The following FIRRM variants were observed in gnomAD, a reference collection of about 807,000 sequenced individuals.
The protein encoded by FIRRM is FIGNL1-interacting regulator of recombination and mitosis.
the FIRRM span, chr1:169,842,483 C>G: frequency 3.1e-6 from 5 of 1,613,840 alleles, no homozygotes; most frequent in Non-Finnish European, 4.2e-6. Context: ...TACAGGAAAA[C>G]AAACTGCAAT....
the FIRRM span, among the ~76,000 whole-genome samples, chr1:169,799,710 C>T: frequency 6.6e-5 from 10 of 152,240 alleles, no homozygotes; most frequent in African/African-American, 2.4e-4. Flanking sequence ...CTTCACCACG[C>T]CTGGCTAATT....
At chr1:169,811,813 C>CAGATTATCTAAATAGATAAT in the FIRRM span, among the ~76,000 whole-genome samples, 2 of 139,036 alleles carry the variant, frequency 1.4e-5, no homozygotes, top group African/African-American at 5.6e-5. Context: ...AGATAATAGA[C>CAGATTATCTAAATAGATAAT]AGATTATCTA....
At chr1:169,793,425 G>C in the FIRRM span, 1 of 1,614,134 alleles carries the variant, frequency 6.2e-7, no homozygotes, top group Non-Finnish European at 8.5e-7. Context: ...TGTTTTCCAT[G>C]TGGCTCCAAG....
the FIRRM span, among the ~76,000 whole-genome samples, chr1:169,834,512 A>G: frequency 6.6e-6 from 1 of 152,144 alleles, no homozygotes; most frequent in Non-Finnish European, 1.5e-5. Context: ...TTTCTCTTAA[A>G]TGAAGGAGGA....
the FIRRM span, among the ~76,000 whole-genome samples, chr1:169,805,446 C>T: frequency 6.6e-6 from 1 of 152,180 alleles, no homozygotes; most frequent in Non-Finnish European, 1.5e-5. Context: ...TCGCTGTGTG[C>T]TAGCACTTTT....
the FIRRM span, among the ~76,000 whole-genome samples, chr1:169,792,326 G>A: frequency 6.6e-6 from 1 of 152,164 alleles, no homozygotes; most frequent in African/African-American, 2.4e-5. Context: ...AGGTCAAATA[G>A]AATGAAGATG....
chr1:169,792,723 C>A, the FIRRM span: 1 of 1,613,864 alleles, frequency 6.2e-7, no homozygotes, highest in Non-Finnish European at 8.5e-7. Context: ...AAATAATGTG[C>A]TTTGCTGGCC....
the FIRRM span, chr1:169,795,037 G>A: frequency 7.8e-7 from 1 of 1,280,352 alleles, no homozygotes; most frequent in Non-Finnish European, 1.1e-6. Context: ...AAGGGTTGGC[G>A]GGACTGCGAG....
chr1:169,844,663 TAA>T, the FIRRM span, among the ~76,000 whole-genome samples: 3 of 152,222 alleles, frequency 2.0e-5, no homozygotes, highest in Non-Finnish European at 2.9e-5. Context: ...TACTAAGTTA[TAA>T]AGAGTCAGAA....
At chr1:169,817,347 A>G in the FIRRM span, among the ~76,000 whole-genome samples, 3 of 152,192 alleles carry the variant, frequency 2.0e-5, no homozygotes, top group South Asian at 2.1e-4. Flanking sequence ...CAAGACAACA[A>G]TTGTCTGTGG....
chr1:169,852,695 G>A, the FIRRM span: 9 of 1,282,518 alleles, frequency 7.0e-6, no homozygotes, highest in Non-Finnish European at 8.8e-6. Context: ...CCAATGACTA[G>A]AATAAAATTT....
chr1:169,810,834 ATTTTTTTTTTTTTTTTTTT>A, the FIRRM span, among the ~76,000 whole-genome samples: 13 of 61,208 alleles, frequency 2.1e-4, no homozygotes, highest in Non-Finnish European at 2.9e-4. Context: ...TTAGCCCCCA[ATTTTTTTTTTTTTTTTTTT>A]TTTTTTTTTT....
the FIRRM span, chr1:169,792,931 T>C: frequency 1.2e-6 from 2 of 1,614,150 alleles, no homozygotes; most frequent in Admixed American, 3.3e-5. Context: ...GTGTTACTTT[T>C]GGTTTCCTGC....
chr1:169,849,433 T>C, the FIRRM span: 11 of 1,176,394 alleles, frequency 9.4e-6, no homozygotes, highest in Non-Finnish European at 1.2e-5. Context: ...TTATTGAATG[T>C]ATGGCTATTT....
At chr1:169,798,035 T>C in the FIRRM span, among the ~76,000 whole-genome samples, 1 of 146,094 alleles carries the variant, frequency 6.8e-6, no homozygotes, top group East Asian at 2.0e-4. Flanking sequence ...GTAAGTAATA[T>C]GAAAAAAGAT....
chr1:169,825,852 CAAGTTTACAATTAATGTGGCAAAAAATA>C, the FIRRM span, among the ~76,000 whole-genome samples: 1 of 152,088 alleles, frequency 6.6e-6, no homozygotes, highest in African/African-American at 2.4e-5. Flanking sequence ...CATGTATTGT[CAAGTTTACAATTAATGTGGCAAAAAATA>C]TAGAATACAT....
the FIRRM span, chr1:169,837,118 A>G: frequency 6.4e-7 from 1 of 1,571,936 alleles, no homozygotes; most frequent in Admixed American, 2.0e-5. Flanking sequence ...CTCTGGTAAG[A>G]TAATAATTTT....
chr1:169,813,824 A>G, the FIRRM span, among the ~76,000 whole-genome samples: 2 of 152,202 alleles, frequency 1.3e-5, no homozygotes, highest in African/African-American at 4.8e-5. Flanking sequence ...GAGTTGCACT[A>G]GTTTCTTTCA....
chr1:169,800,148 C>T, the FIRRM span, among the ~76,000 whole-genome samples: 5 of 152,296 alleles, frequency 3.3e-5, no homozygotes, highest in South Asian at 8.3e-4. Context: ...ATCCTCTCAC[C>T]TCAGCCTTCC....
Sources: gnomAD v4.1 joint callset for allele counts (sites outside exome capture counted in the v4.1 genomes callset) on GRCh38, gnomAD v4.1.1 for gene constraint, MANE v1.5 for transcripts, NCBI Gene and HGNC (gene_info 2026-07-23, HGNC 2026-07-21) for gene names.